Variants in BLM observed in about 807,000 individuals in gnomAD.
The protein encoded by BLM is BLM RecQ like helicase, also known as recQ-like DNA helicase BLM.
In BLM, 95 loss-of-function variants were observed where a neutral mutation model predicts 135.3. That is an observed-to-expected ratio of 0.70 (90% CI 0.59 to 0.83). BLM has a LOEUF of 0.83. Ranked by LOEUF, BLM falls within the 40% of genes least tolerant of loss-of-function variation. BLM has a pLI of 0.00. For synonymous variants in BLM, 520 were observed against 589.2 expected (o/e 0.88, Z 1.70); for missense variants, 1,518 against 1,663.9 (o/e 0.91, Z 1.53).
chr15:90,804,004 A>G (rs754771284), intron 18 of BLM, among the ~76,000 whole-genome samples, 163 bp from the exon 19 acceptor site: 2 of 152,206 alleles, frequency 1.3e-5, no homozygotes, highest in Non-Finnish European at 2.9e-5. Context: ...GACACTGGAG[A>G]TACAAAGATG....
chr15:90,719,372 C>T (rs1457169910), intron 1 of BLM, among the ~76,000 whole-genome samples: 3 of 152,100 alleles, frequency 2.0e-5, no homozygotes, highest in East Asian at 1.9e-4. Flanking sequence ...GAGGATGAGG[C>T]GGGCGAATCA....
chr15:90,784,660 T>A (rs1037280902), intron 13 of BLM, among the ~76,000 whole-genome samples: 2 of 151,524 alleles, frequency 1.3e-5, no homozygotes, highest in African/African-American at 4.9e-5. Flanking sequence ...TATACCCACA[T>A]GTATCTAGTG....
chr15:90,791,076 A>C (rs1054199492), intron 15 of BLM, among the ~76,000 whole-genome samples: 1 of 152,136 alleles, frequency 6.6e-6, no homozygotes, highest in Non-Finnish European at 1.5e-5. Context: ...AAATTTACAA[A>C]CCATGCCTTG....
In BLM at chr15:90,809,508, C is replaced by T. The variant is rs536009888; in HGVS notation, c.3874+249C>T. The stretch of plus-strand genomic sequence containing the variant: ...TTTGGGCCCAGGGGTTGCTGGTTCC[C>T]GTAATGCAAGTGCTCAAGGGATCAG... On this transcript the variant is annotated intron_variant, in intron 20 of 21. Transcript: ENST00000355112. Among the ~76,000 whole-genome samples, 16 of 152,228 alleles carry T rather than the reference C, an allele frequency of 1.1e-4. No individual in the cohort carries two copies. The East Asian group carries it at 2.5e-3, about 24-fold the overall frequency.
intron 1 of BLM, among the ~76,000 whole-genome samples, chr15:90,729,080 C>T (rs905721841): frequency 1.3e-5 from 2 of 151,950 alleles, no homozygotes; most frequent in South Asian, 4.1e-4. Flanking sequence ...GAGGCCGAGG[C>T]GGGCAGGTCA....
At chr15:90,782,046 A>T in intron 12 of BLM, among the ~76,000 whole-genome samples, 1 of 152,014 alleles carries the variant, frequency 6.6e-6, no homozygotes, top group East Asian at 1.9e-4. Context: ...CCTTACTTCC[A>T]TTTCAGTGTT....
intron 16 of BLM, 131 bp downstream of exon 16, chr15:90,794,488 A>G: frequency 1.5e-6 from 1 of 665,434 alleles, no homozygotes; most frequent in Non-Finnish European, 2.4e-6. Context: ...TCCTTCCAGT[A>G]GTAATTTGGA....
At chr15:90,778,176 A>C (rs1381355382) in intron 12 of BLM, among the ~76,000 whole-genome samples, 1 of 152,134 alleles carries the variant, frequency 6.6e-6, no homozygotes, top group Non-Finnish European at 1.5e-5. Context: ...TTTGCAGTAG[A>C]GATAGTTGTC....
At position 90,736,452 on chromosome 15, in the gene BLM, G is replaced by A. The variant is rs550605835; in HGVS notation, c.-4-10937G>A. Among the ~76,000 whole-genome samples, 86 of 152,008 alleles carry A rather than the reference G, an allele frequency of 5.7e-4. 1 individual carries two copies. Among genetic ancestry groups the A allele is most frequent in the African/African-American group, 2.0e-3 (83 of 41,464 alleles). Reference sequence around the variant, plus strand: ...TTTAAAAATTTTTTTTATAGAGACGGAGTCTCACCATGTTGCCCAGGCTGG... The same window carrying A: ...TTTAAAAATTTTTTTTATAGAGACGAAGTCTCACCATGTTGCCCAGGCTGG... On this transcript the variant is annotated intron_variant, in intron 1 of 21. Coordinates refer to ENST00000355112, the MANE Select transcript of BLM (RefSeq NM_000057.4).
At chr15:90,797,640 TGTGA>T (rs1897061548) in intron 16 of BLM, among the ~76,000 whole-genome samples, 1 of 151,934 alleles carries the variant, frequency 6.6e-6, no homozygotes, top group African/African-American at 2.4e-5. Flanking sequence ...TTTTTACACC[TGTGA>T]GTGGTCAGTA....
At chr15:90,790,363 G>A (rs991326593) in intron 14 of BLM, 9 of 433,866 alleles carry the variant, frequency 2.1e-5, no homozygotes, top group South Asian at 4.3e-5. Context: ...TGGGCTGACT[G>A]CAGTTGATTC....
chr15:90,780,731 T>C (rs1896597757), intron 12 of BLM, among the ~76,000 whole-genome samples: 2 of 152,236 alleles, frequency 1.3e-5, no homozygotes, highest in Admixed American at 6.5e-5. Flanking sequence ...AAGTGATGTG[T>C]AGGCATACTC....
At chr15:90,734,665 GCGCA>G (rs1191481326) in intron 1 of BLM, among the ~76,000 whole-genome samples, 2 of 143,484 alleles carry the variant, frequency 1.4e-5, no homozygotes, top group East Asian at 2.1e-4. Context: ...ACACACACGC[GCGCA>G]CGCACGCACA....
chr15:90,784,775 A>G (rs1596251874), intron 13 of BLM, 146 bp from the exon 14 acceptor site: 1 of 836,290 alleles, frequency 1.2e-6, no homozygotes, highest in East Asian at 2.5e-5. Flanking sequence ...CCTTGCTTGA[A>G]TTATTCACGT....
chr15:90,739,974 A>T (rs958526581), intron 1 of BLM, among the ~76,000 whole-genome samples: 2 of 152,134 alleles, frequency 1.3e-5, no homozygotes, highest in African/African-American at 4.8e-5. Flanking sequence ...CATATTGCCC[A>T]GGCTGGTCTC....
chr15:90,813,656 G>A (rs577285420), intron 21 of BLM, among the ~76,000 whole-genome samples: 24 of 152,242 alleles, frequency 1.6e-4, no homozygotes, highest in South Asian at 2.1e-4. Flanking sequence ...CCAAAGTGCT[G>A]GGATGACAGG....
chr15:90,775,475 T>A (rs962214962), intron 12 of BLM, among the ~76,000 whole-genome samples: 1 of 148,656 alleles, frequency 6.7e-6, no homozygotes, highest in Non-Finnish European at 1.5e-5. Flanking sequence ...TATATGTATT[T>A]TATATATATG....
Position 90,760,941 on chromosome 15 carries a change from A to G in BLM, c.1568A>G (p.Asn523Ser). Residue 523 changes from asparagine to serine, a missense_variant, in exon 7 of 22, where the codon AAT becomes AGT. Asn to Ser is a conservative substitution (Grantham distance 46). Transcript: ENST00000355112. Reference protein sequence around the residue: ...KKNESSYFPGNVLTSTAVKDQ... With the variant: ...KKNESSYFPGSVLTSTAVKDQ... ...AATGAAAGCTCTTATTTCCCAGGAA[A>G]TGTTCTCACAAGCACTGCTGTGAAA... 2 of 1,614,118 alleles carry G rather than the reference A, an allele frequency of 1.2e-6. No homozygotes were observed. The highest frequency in any genetic ancestry group is 1.1e-5 in the South Asian group (1 of 91,086).
intron 12 of BLM, among the ~76,000 whole-genome samples, chr15:90,771,486 C>CAAAAACA (rs573740305): frequency 1.4e-5 from 2 of 147,796 alleles, no homozygotes; most frequent in African/African-American, 5.0e-5. Flanking sequence ...GGCCCTGTCT[C>CAAAAACA]AAAAACAAAA....
Sources: allele counts gnomAD v4.1 joint callset (sites outside exome capture counted in the v4.1 genomes callset), GRCh38; gene constraint gnomAD v4.1.1; transcripts MANE v1.5; gene names NCBI Gene and HGNC (gene_info 2026-07-23, HGNC 2026-07-21).